SPECC1L: variants seen among roughly 807,000 people sequenced by gnomAD.
SPECC1L encodes the protein sperm antigen with calponin homology and coiled-coil domains 1 like.
In SPECC1L, 40 loss-of-function variants were observed where a neutral mutation model predicts 116.8. That is an observed-to-expected ratio of 0.34 (90% CI 0.27 to 0.45). The LOEUF (loss-of-function observed/expected upper bound fraction) is 0.45, where lower values mean the gene tolerates loss of function less well. SPECC1L is among the 20% of genes least tolerant of loss of function. SPECC1L has a pLI of 1.00. For missense variants in SPECC1L, 1,110 were observed against 1,373.6 expected (o/e 0.81, Z 3.03); for synonymous variants, 504 against 500.6 (o/e 1.01, Z -0.09).
chr22:24,412,707 G>T lies in SPECC1L; in HGVS notation c.3264G>T (p.Leu1088=). 2 of 1,614,078 alleles carry T rather than the reference G, an allele frequency of 1.2e-6. No individual in the cohort carries two copies. Among genetic ancestry groups the T allele is most frequent in the African/African-American group, 1.3e-5 (1 of 75,054 alleles). The part of the protein sequence containing the change: ...AAESVGIKST[L]DINEMVRTER... ...AAAGTGTCGGCATCAAATCCACACTGGTGAGCCCTTGTCCCCCTGAGTCAC... is the reference window on the plus strand; with the variant it reads ...AAAGTGTCGGCATCAAATCCACACTTGTGAGCCCTTGTCCCCCTGAGTCAC... Residue 1088 remains leucine, a splice_region_variant and synonymous_variant, in exon 16 of 17, where the codon CTG becomes CTT. Transcript: ENST00000314328.
At chr22:24,346,841 A>C (rs2146562554) in intron 10 of SPECC1L, among the ~76,000 whole-genome samples, 1 of 152,334 alleles carries the variant, frequency 6.6e-6, no homozygotes. Flanking sequence ...AGTAAAGAGT[A>C]CGTAGGATCT....
intron 14 of SPECC1L, among the ~76,000 whole-genome samples, chr22:24,374,573 A>G (rs985196067): frequency 6.3e-5 from 9 of 142,194 alleles, no homozygotes; most frequent in Non-Finnish European, 1.1e-4. Flanking sequence ...GAATTGAACA[A>G]TGAGAACACA....
intron 8 of SPECC1L, among the ~76,000 whole-genome samples, chr22:24,333,148 A>T (rs1424862503): frequency 6.6e-6 from 1 of 152,194 alleles, no homozygotes; most frequent in Non-Finnish European, 1.5e-5. Context: ...GAATCACTTG[A>T]ACCTGGGAGG....
At chr22:24,357,218 C>T (rs2041550493) in intron 11 of SPECC1L, among the ~76,000 whole-genome samples, 1 of 152,030 alleles carries the variant, frequency 6.6e-6, no homozygotes, top group Non-Finnish European at 1.5e-5. Flanking sequence ...CCTTGTTTCA[C>T]TTAATATCAT....
intron 4 of SPECC1L, among the ~76,000 whole-genome samples, chr22:24,316,746 C>A (rs1378532310): frequency 6.7e-6 from 1 of 149,676 alleles, no homozygotes; most frequent in African/African-American, 2.5e-5. Context: ...CTTTCTATTC[C>A]ACAAAACCAC....
At chr22:24,351,915 G>A (rs1384514766) in intron 11 of SPECC1L, among the ~76,000 whole-genome samples, 5 of 151,824 alleles carry the variant, frequency 3.3e-5, no homozygotes, top group African/African-American at 9.7e-5. Flanking sequence ...CGTGAACCCG[G>A]GAGGCGGAGC....
intron 2 of SPECC1L, among the ~76,000 whole-genome samples, chr22:24,295,981 C>T (rs2049253859): frequency 6.6e-6 from 1 of 152,170 alleles, no homozygotes; most frequent in African/African-American, 2.4e-5. Context: ...CTGATGACAA[C>T]ATTGGACAAG....
intron 10 of SPECC1L, among the ~76,000 whole-genome samples, chr22:24,346,872 A>G (rs2041306669): frequency 6.6e-6 from 1 of 152,212 alleles, no homozygotes; most frequent in Admixed American, 6.5e-5. Context: ...TTAAAACTGC[A>G]TATGAGTCTA....
intron 16 of SPECC1L, among the ~76,000 whole-genome samples, chr22:24,414,153 G>A (rs949199225): frequency 7.2e-5 from 11 of 152,334 alleles, no homozygotes; most frequent in Admixed American, 2.6e-4. Context: ...CCGACAGAGA[G>A]AAATTCTCCT....
intron 4 of SPECC1L, among the ~76,000 whole-genome samples, chr22:24,314,945 G>A (rs967811599): frequency 6.6e-6 from 1 of 152,178 alleles, no homozygotes; most frequent in Non-Finnish European, 1.5e-5. Context: ...ACAGGTATTT[G>A]TTTTTAGATT....
intron 4 of SPECC1L, among the ~76,000 whole-genome samples, chr22:24,318,239 A>G (rs11912921): frequency 6.6e-6 from 1 of 152,094 alleles, no homozygotes; most frequent in Non-Finnish European, 1.5e-5. Flanking sequence ...CCATTGAGCA[A>G]TGAGTGAAGG....
intron 14 of SPECC1L, among the ~76,000 whole-genome samples, chr22:24,375,487 C>T (rs1325674120): frequency 6.6e-6 from 1 of 152,044 alleles, no homozygotes; most frequent in East Asian, 1.9e-4. Flanking sequence ...GTTGGTTCAA[C>T]ATATGAAAAT....
At position 24,272,383 on chromosome 22, in the gene SPECC1L, T is replaced by TA. The variant is rs879898075; in HGVS notation, c.-142+1401dup. ...CCGTCTCAAAAAAACAAAAACCAGA[T>TA]ATAACAAGGCCGAGCTCCCTGGCTC... On this transcript the variant is annotated intron_variant, in intron 1 of 16. Transcript: ENST00000314328. 4.3e-4 allele frequency among the ~76,000 whole-genome samples: 63 copies of TA among 145,120 alleles called. No homozygotes were observed. The East Asian group carries it at 0.012, about 28-fold the overall frequency.
chr22:24,309,272 A>G (rs562850165), intron 3 of SPECC1L, among the ~76,000 whole-genome samples: 1 of 152,318 alleles, frequency 6.6e-6, no homozygotes, highest in South Asian at 2.1e-4. Flanking sequence ...TATAATTGTA[A>G]TCCATTTATC....
chr22:24,305,689 T>G (rs1490680693), intron 3 of SPECC1L, among the ~76,000 whole-genome samples: 1 of 152,242 alleles, frequency 6.6e-6, no homozygotes, highest in African/African-American at 2.4e-5. Context: ...GGTTCTAGAA[T>G]GAGGAGTGAA....
At chr22:24,285,934 C>G (rs944157223) in intron 2 of SPECC1L, among the ~76,000 whole-genome samples, 5 of 152,280 alleles carry the variant, frequency 3.3e-5, no homozygotes, top group African/African-American at 1.2e-4. Flanking sequence ...GCTACCGCGC[C>G]TGGCGCGCTG....
At chr22:24,279,703 C>T (rs987991714) in intron 2 of SPECC1L, among the ~76,000 whole-genome samples, 2 of 152,172 alleles carry the variant, frequency 1.3e-5, no homozygotes, top group African/African-American at 2.4e-5. Context: ...ATGCCTCAGC[C>T]TTCCGAGTAG....
chr22:24,324,182 C>CT (rs759942931), intron 5 of SPECC1L, 38 bp from the exon 6 acceptor site: 1 of 1,570,912 alleles, frequency 6.4e-7, no homozygotes, highest in South Asian at 1.1e-5. Context: ...TAGAACAACT[C>CT]TTAACTTTTC....
intron 2 of SPECC1L, among the ~76,000 whole-genome samples, chr22:24,280,414 A>C (rs1418878841): frequency 6.6e-6 from 1 of 151,384 alleles, no homozygotes; most frequent in East Asian, 1.9e-4. Context: ...AAGGCATATA[A>C]TAAATTAGGG....
Sources: gnomAD v4.1 joint callset for allele counts (sites outside exome capture counted in the v4.1 genomes callset) on GRCh38, gnomAD v4.1.1 for gene constraint, MANE v1.5 for transcripts, NCBI Gene and HGNC (gene_info 2026-07-23, HGNC 2026-07-21) for gene names.